The following IKBKB variants were observed in gnomAD, a reference collection of about 807,000 sequenced individuals.
IKBKB encodes the protein inhibitor of nuclear factor kappa B kinase subunit beta, also known as inhibitor of nuclear factor kappa-B kinase subunit beta.
IKBKB carries 42 observed loss-of-function variants against 113.6 expected under a neutral mutation model. The ratio of observed to expected loss-of-function variants is 0.37; its 90% CI spans 0.29 to 0.48. The LOEUF is 0.48. Ranked by LOEUF, IKBKB falls within the 20% of genes least tolerant of loss-of-function variation. IKBKB has a pLI of 0.99. For missense variants in IKBKB, 673 were observed against 939.7 expected, an observed-to-expected ratio of 0.72 and a Z score of 3.71; for synonymous variants, 296 against 361.3, an observed-to-expected ratio of 0.82 and a Z score of 2.05.
chr8:42,284,568 C>T (rs970561338), intron 2 of IKBKB, among the ~76,000 whole-genome samples: 4 of 146,974 alleles, frequency 2.7e-5, no homozygotes, highest in East Asian at 2.0e-4. Context: ...GGCAACAAAG[C>T]GAGACTCCGT....
intron 12 of IKBKB, 34 bp from the exon 13 acceptor site, chr8:42,318,516 TTA>T: frequency 1.2e-6 from 2 of 1,604,916 alleles, no homozygotes; most frequent in South Asian, 1.1e-5. Flanking sequence ...GTTATTGTGG[TTA>T]TTCTTTGACA....
Position 42,322,577 on chromosome 8 carries a change from C to T in IKBKB, c.1986+83C>T, listed in dbSNP as rs536210372. 36 of 1,422,276 alleles carry T rather than the reference C, an allele frequency of 2.5e-5. No homozygotes were observed. The African/African-American group carries it at 3.5e-4, about 14-fold the overall frequency. 88.1% of individuals were successfully genotyped at this position (1,422,276 alleles called of 1,614,324 possible). On this transcript the variant is annotated intron_variant, in intron 19 of 21. Transcript: ENST00000520810. ...CTCTGTGCACTGCCGCCATCCCACA[C>T]GGGACACCACAGAGCCACCAGCAGC... is the stretch of plus-strand genomic sequence containing the variant.
chr8:42,331,416 G>A lies in IKBKB; in HGVS notation c.*437G>A, dbSNP rs1054530423. ...ATTCAAATCTTTCAGGGCAGAGTCC[G>A]AGCAGCGCTTGGTGACAGCCTGTCC... On this transcript the variant is annotated 3_prime_UTR_variant, in exon 22 of 22. Transcript: ENST00000520810. 1.7e-5 allele frequency: 12 copies of A among 702,594 alleles called. No individual in the cohort carries two copies. The highest frequency in any genetic ancestry group is 5.4e-5 in the East Asian group (2 of 37,308). 43.5% of individuals were successfully genotyped at this position (702,594 alleles called of 1,614,324 possible).
chr8:42,309,160 C>T (rs1817188387), intron 8 of IKBKB, 135 bp downstream of exon 8: 3 of 956,402 alleles, frequency 3.1e-6, no homozygotes. Flanking sequence ...GAAGGCCTGT[C>T]AGGACCTAGC....
At position 42,319,641 on chromosome 8, in the gene IKBKB, G is replaced by A; in HGVS notation, c.1573G>A (p.Gly525Arg). 6 of 1,588,810 alleles carry A rather than the reference G, an allele frequency of 3.8e-6. No individual in the cohort carries two copies. Among genetic ancestry groups the A allele is most frequent in the Non-Finnish European group, 4.3e-6 (5 of 1,172,042 alleles). ...AATGGAGCAGGCTGTGGAGCTCTGTGGGCGGGTAGGAGACTCATTTTGGGT... is the reference window on the plus strand; with the variant it reads ...AATGGAGCAGGCTGTGGAGCTCTGTAGGCGGGTAGGAGACTCATTTTGGGT... ...REMEQAVELC[G>R]RENEVKLLVE... Residue 525 changes from glycine to arginine, a missense_variant, in exon 15 of 22, where the codon GGG becomes AGG. By Grantham distance (125) the Gly-to-Arg change is moderately radical (BLOSUM62 -2). This residue lies in a region of IKBKB where 506 missense variants were observed against 638.7 expected (regional missense o/e 0.79). Coordinates refer to ENST00000520810, the MANE Select transcript of IKBKB (RefSeq NM_001556.3).
intron 19 of IKBKB, 121 bp from the exon 20 acceptor site, chr8:42,325,849 G>C: frequency 1.3e-6 from 2 of 1,530,804 alleles, no homozygotes; most frequent in Non-Finnish European, 8.7e-7. Context: ...CAACTGGTAG[G>C]CTGTAGGGTT....
chr8:42,305,727 TG>T (rs1816378266), intron 6 of IKBKB, among the ~76,000 whole-genome samples: 1 of 152,232 alleles, frequency 6.6e-6, no homozygotes. Context: ...GAGCTCTTTG[TG>T]GCCTCCTCAG....
intron 11 of IKBKB, 108 bp downstream of exon 11, chr8:42,317,012 C>T: frequency 9.3e-7 from 1 of 1,072,888 alleles, no homozygotes; most frequent in Non-Finnish European, 1.4e-6. Context: ...GTCTGTTAAT[C>T]ACACAGTGCG....
Position 42,329,230 on chromosome 8 carries a change from A to G in IKBKB, c.2205+16A>G. The G allele has an allele frequency of 6.5e-7, 1 of 1,548,092 alleles. No individual in the cohort carries two copies. The highest frequency in any genetic ancestry group is 8.7e-7 in the Non-Finnish European group (1 of 1,154,644). On this transcript the variant is annotated intron_variant, in intron 21 of 21. Coordinates refer to ENST00000520810, the MANE Select transcript of IKBKB (RefSeq NM_001556.3). ...GAGTTTCACGGTAACAGCTTGTGTG[A>G]GACTCCTGCGATTCCATGTCCTTTC... is the stretch of plus-strand genomic sequence containing the variant.
At chr8:42,309,116 G>C in intron 8 of IKBKB, 91 bp downstream of exon 8, 1 of 1,382,724 alleles carries the variant, frequency 7.2e-7, no homozygotes, top group Non-Finnish European at 9.9e-7. Flanking sequence ...CCATCACCGG[G>C]CCTGGGAGAT....
chr8:42,272,267 C>T (rs779345275), intron 2 of IKBKB, 62 bp downstream of exon 2: 16 of 1,609,900 alleles, frequency 9.9e-6, no homozygotes, highest in African/African-American at 1.3e-5. Flanking sequence ...ACTGCCTCCA[C>T]TTTCTCTGAT....
At chr8:42,271,589 C>T (rs553767571) in intron 1 of IKBKB, 120 bp downstream of exon 1, 26 of 555,014 alleles carry the variant, frequency 4.7e-5, no homozygotes, top group South Asian at 4.4e-4. Flanking sequence ...GACTGGGGAG[C>T]GTTTCACTTG....
chr8:42,320,051 C>A, intron 15 of IKBKB: 1 of 170,128 alleles, frequency 5.9e-6, no homozygotes, highest in East Asian at 1.7e-4. Flanking sequence ...CTCAGGGCAG[C>A]GTAAATCAGA....
Position 42,331,365 on chromosome 8 carries a change from C to T in IKBKB, c.*386C>T, listed in dbSNP as rs949910292. ...AGAAAAGTGCTTGGAGTACGGTTTGCCACACACGTGACTGGACAGTGTCCA... is the reference window on the plus strand; with the variant it reads ...AGAAAAGTGCTTGGAGTACGGTTTGTCACACACGTGACTGGACAGTGTCCA... On this transcript the variant is annotated 3_prime_UTR_variant, in exon 22 of 22. Transcript: ENST00000520810. 5 of 702,800 alleles carry T rather than the reference C, an allele frequency of 7.1e-6. No individual in the cohort carries two copies. Among genetic ancestry groups the T allele is most frequent in the African/African-American group, 5.2e-5 (3 of 57,262 alleles). 43.5% of individuals were successfully genotyped at this position (702,800 alleles called of 1,614,324 possible).
rs151006428 is a variant in IKBKB at position 42,328,105 on chromosome 8, C to T, written c.2115-1019C>T. On this transcript the variant is annotated intron_variant, in intron 20 of 21. Transcript: ENST00000520810. Reference sequence around the variant, plus strand: ...GATTACAGGCGTGAGCCACCGCGCCCGGCCAATTTTGTATTTTTATTAGAG... The same window carrying T: ...GATTACAGGCGTGAGCCACCGCGCCTGGCCAATTTTGTATTTTTATTAGAG... 1.7e-4 allele frequency among the ~76,000 whole-genome samples: 3 copies of T among 17,984 alleles called. 1 individual carries two copies. The highest frequency in any genetic ancestry group is 1.8e-4 in the African/African-American group (3 of 16,246). The allele number at this position is 17,984 out of a possible 152,430, so 11.8% of individuals were successfully genotyped here.
At chr8:42,309,150 G>C in intron 8 of IKBKB, 125 bp downstream of exon 8, 1 of 1,127,314 alleles carries the variant, frequency 8.9e-7, no homozygotes, top group Non-Finnish European at 1.3e-6. Context: ...CTTCCGAGAG[G>C]AAGGCCTGTC....
intron 17 of IKBKB, 40 bp from the exon 18 acceptor site, chr8:42,322,013 CT>C: frequency 6.2e-7 from 1 of 1,606,378 alleles, no homozygotes; most frequent in South Asian, 1.1e-5. Flanking sequence ...CTACTCTCTG[CT>C]GGCTTCCTTG....
intron 2 of IKBKB, 45 bp downstream of exon 2, chr8:42,272,250 C>T (rs753188243): frequency 2.5e-6 from 4 of 1,613,400 alleles, no homozygotes; most frequent in Middle Eastern, 1.6e-4. Flanking sequence ...AGCCAGGCCC[C>T]CTCCTCACTG....
Position 42,306,025 on chromosome 8 carries a change from G to A in IKBKB, c.478-318G>A, listed in dbSNP as rs527513893. Among the ~76,000 whole-genome samples the A allele has an allele frequency of 1.1e-4, 16 of 152,328 alleles. No homozygotes were observed. In the South Asian group the frequency reaches 1.4e-3, roughly 14 times the overall value. On this transcript the variant is annotated intron_variant, in intron 6 of 21. Transcript: ENST00000520810. ...GCATTTACTGAGAAGAGGCTGGCCCGGTCCTTCCTGTTTCAAGTCTGGGTT... is the reference window on the plus strand; with the variant it reads ...GCATTTACTGAGAAGAGGCTGGCCCAGTCCTTCCTGTTTCAAGTCTGGGTT...
Sources: allele counts gnomAD v4.1 joint callset (sites outside exome capture counted in the v4.1 genomes callset), GRCh38; gene constraint gnomAD v4.1.1; regional missense constraint gnomAD v4.1.1; transcripts MANE v1.5; gene names NCBI Gene and HGNC (gene_info 2026-07-23, HGNC 2026-07-21).